CCDC39: variants seen among roughly 807,000 people sequenced by gnomAD.
CCDC39 encodes coiled-coil domain-containing protein 39.
In CCDC39, 113 loss-of-function variants were observed where a neutral mutation model predicts 121.0. The ratio of observed to expected loss-of-function variants is 0.93; its 90% confidence interval spans 0.80 to 1.09. The LOEUF is 1.09. Among genes scored for constraint, CCDC39 ranks in the 50% least tolerant of loss-of-function variants. The pLI is 0.00. For missense variants in CCDC39, 1,063 were observed against 1,074.7 expected, an observed-to-expected ratio of 0.99 and a Z score of 0.15; for synonymous variants, 349 against 352.2, an observed-to-expected ratio of 0.99 and a Z score of 0.10.
chr3:180,678,216 T>C (rs1226921321), intron 1 of CCDC39, among the ~76,000 whole-genome samples: 1 of 152,206 alleles, frequency 6.6e-6, no homozygotes, highest in Non-Finnish European at 1.5e-5. Context: ...TCCTCGGTAC[T>C]CAGTGCTAGA....
In CCDC39 at chr3:180,642,174, T is replaced by G; in HGVS notation, c.1693A>C (p.Lys565Gln). 2 of 1,606,246 alleles carry G rather than the reference T, an allele frequency of 1.2e-6. No homozygotes were observed. Among genetic ancestry groups the G allele is most frequent in the Non-Finnish European group, 1.7e-6 (2 of 1,175,296 alleles). The change falls in exon 13 of 20, where the codon AAA (lysine) becomes CAA (glutamine). Residue 565 changes from lysine (K) to glutamine (Q), a missense_variant. Lys to Gln is a moderately conservative substitution (Grantham distance 53, BLOSUM62 1). Transcript: ENST00000476379. The part of the protein sequence containing the change: ...QDLMIEDNLL[K>Q]LEVKRTREML... ...TCTCGAGTACGCTTAACTTCAAGTT[T>G]TAAAAGATTGTCCTCTATCATCAAA...
At position 180,636,918 on chromosome 3, in the gene CCDC39, TA is replaced by T. The variant is rs1324598423; in HGVS notation, c.1874+5074del. On this transcript the variant is annotated intron_variant, in intron 13 of 19. Coordinates refer to ENST00000476379, the MANE Select transcript of CCDC39 (RefSeq NM_181426.2). ...CTGGACCCCTTTCTTATACCACATATAAAAATCAACTCAAGATGGATTAAAT... is the reference window on the plus strand; with the variant it reads ...CTGGACCCCTTTCTTATACCACATATAAAATCAACTCAAGATGGATTAAAT... 2.7e-5 allele frequency among the ~76,000 whole-genome samples: 4 copies of T among 150,030 alleles called. No homozygotes were observed. The East Asian group carries it at 8.0e-4, about 30-fold the overall frequency.
At chr3:180,647,033 A>T in intron 11 of CCDC39, 46 bp downstream of exon 11, 1 of 1,565,944 alleles carries the variant, frequency 6.4e-7, no homozygotes, top group East Asian at 2.2e-5. Context: ...CCTAAAACAG[A>T]ATGACTAGGA....
chr3:180,645,403 A>T (rs1718045794), intron 11 of CCDC39, among the ~76,000 whole-genome samples: 1 of 151,530 alleles, frequency 6.6e-6, no homozygotes, highest in Admixed American at 6.6e-5. Flanking sequence ...TTGTGCTCTT[A>T]TTCCCTTCTT....
chr3:180,617,342 A>G, intron 16 of CCDC39: 1 of 513,358 alleles, frequency 1.9e-6, no homozygotes. Flanking sequence ...TTACTGATTT[A>G]TGTATTTACT....
intron 1 of CCDC39, among the ~76,000 whole-genome samples, chr3:180,669,436 A>G (rs895828141): frequency 3.9e-5 from 6 of 152,088 alleles, no homozygotes; most frequent in South Asian, 2.1e-4. Flanking sequence ...AACTTTTATC[A>G]TATTGTCTTC....
intron 13 of CCDC39, among the ~76,000 whole-genome samples, chr3:180,639,614 T>C (rs1032705957): frequency 5.3e-5 from 8 of 152,110 alleles, no homozygotes; most frequent in African/African-American, 1.9e-4. Context: ...TAATGGACTT[T>C]GGGGACTTGT....
rs1422242892 is a variant in CCDC39 at position 180,651,600 on chromosome 3, A to G, written c.1035-67T>C. The G allele has an allele frequency of 5.8e-6, 8 of 1,384,548 alleles. No individual in the cohort carries two copies. In the East Asian group the frequency reaches 2.1e-4, roughly 36 times the overall value. The allele number at this position is 1,384,548 out of a possible 1,614,324, so 85.8% of individuals were successfully genotyped here. ...AAAGCATTTCATACAAACAAATAAT[A>G]GTTTATCCTAATATTTATTTGTATA... is the stretch of plus-strand genomic sequence containing the variant. On this transcript the variant is annotated intron_variant, in intron 8 of 19. Coordinates refer to ENST00000476379, the MANE Select transcript of CCDC39 (RefSeq NM_181426.2).
chr3:180,629,494 C>A (rs1717643795), intron 14 of CCDC39, among the ~76,000 whole-genome samples: 1 of 152,128 alleles, frequency 6.6e-6, no homozygotes, highest in East Asian at 1.9e-4. Flanking sequence ...TCAGATAATA[C>A]CTGGAGGGCC....
At chr3:180,674,291 G>C (rs545578839) in intron 1 of CCDC39, among the ~76,000 whole-genome samples, 113 of 152,118 alleles carry the variant, frequency 7.4e-4, no homozygotes, top group African/African-American at 2.3e-3. Context: ...TCTGTTATTG[G>C]TGTATAAGAA....
At chr3:180,637,498 G>A (rs749574149) in intron 13 of CCDC39, among the ~76,000 whole-genome samples, 1 of 152,168 alleles carries the variant, frequency 6.6e-6, no homozygotes, top group African/African-American at 2.4e-5. Flanking sequence ...AATTAGTTCA[G>A]CCATTGTGGA....
At chr3:180,666,102 C>A (rs1711867702) in intron 1 of CCDC39, among the ~76,000 whole-genome samples, 1 of 152,102 alleles carries the variant, frequency 6.6e-6, no homozygotes, top group Admixed American at 6.6e-5. Flanking sequence ...AACCTCTATA[C>A]AGATAAACAC....
intron 14 of CCDC39, among the ~76,000 whole-genome samples, chr3:180,623,110 T>TATTATG (rs1331818716): frequency 1.4e-5 from 2 of 146,788 alleles, no homozygotes; most frequent in Non-Finnish European, 3.0e-5. Flanking sequence ...TTATTATTAT[T>TATTATG]ATTATGGATT....
In CCDC39 at chr3:180,647,797, C is replaced by T. The variant is rs192565731; in HGVS notation, c.1362+368G>A. On this transcript the variant is annotated intron_variant, in intron 10 of 19. Transcript: ENST00000476379. The stretch of plus-strand genomic sequence containing the variant: ...GGAAAAACTGAAAAAAATGCTTTTA[C>T]TCTATTAGCATGGGGGTGAGGGTGG... Among the ~76,000 whole-genome samples the T allele has an allele frequency of 1.4e-3, 208 of 151,496 alleles. 1 individual carries two copies. Among genetic ancestry groups the T allele is most frequent in the South Asian group, 9.6e-3 (46 of 4,782 alleles).
At chr3:180,633,741 T>C (rs908372604) in intron 13 of CCDC39, among the ~76,000 whole-genome samples, 1 of 151,932 alleles carries the variant, frequency 6.6e-6, no homozygotes, top group African/African-American at 2.4e-5. Context: ...AAAAATATTC[T>C]CCTGACCCAA....
chr3:180,638,310 C>T (rs1430996635), intron 13 of CCDC39, among the ~76,000 whole-genome samples: 2 of 152,044 alleles, frequency 1.3e-5, no homozygotes, highest in East Asian at 1.9e-4. Flanking sequence ...GAATATGAAA[C>T]AATGTTTTAC....
At chr3:180,637,712 A>C (rs1384155781) in intron 13 of CCDC39, among the ~76,000 whole-genome samples, 2 of 152,216 alleles carry the variant, frequency 1.3e-5, no homozygotes, top group Admixed American at 1.3e-4. Context: ...GATTTAAAAA[A>C]TGTGCCATAT....
chr3:180,634,417 A>T (rs1218327753), intron 13 of CCDC39, among the ~76,000 whole-genome samples: 1 of 152,128 alleles, frequency 6.6e-6, no homozygotes, highest in Admixed American at 6.5e-5. Flanking sequence ...GGGTGTCCCC[A>T]GATTGGGCCC....
At chr3:180,638,442 A>G (rs1717881879) in intron 13 of CCDC39, among the ~76,000 whole-genome samples, 2 of 152,190 alleles carry the variant, frequency 1.3e-5, no homozygotes, top group African/African-American at 2.4e-5. Flanking sequence ...AAAAAATGAA[A>G]TGAAATCCAA....
Sources: allele counts gnomAD v4.1 joint callset (sites outside exome capture counted in the v4.1 genomes callset), GRCh38; gene constraint gnomAD v4.1.1; transcripts MANE v1.5; gene names NCBI Gene and HGNC (gene_info 2026-07-23, HGNC 2026-07-21).